The following HIP1 variants were observed in gnomAD, a reference collection of about 807,000 sequenced individuals.
HIP1 encodes the protein huntingtin interacting protein 1.
Under a neutral mutation model 147.6 loss-of-function variants are expected in HIP1, and 65 were observed. That is an observed-to-expected ratio of 0.44 (90% confidence interval 0.36 to 0.54). The LOEUF is 0.54. Among genes scored for constraint, HIP1 ranks in the 20% least tolerant of loss-of-function variants. The pLI, the probability that HIP1 is intolerant of heterozygous loss-of-function variation, is 0.00. For synonymous variants in HIP1, 479 were observed against 504.0 expected (o/e 0.95, Z 0.67); for missense variants, 1,061 against 1,299.6 (o/e 0.82, Z 2.82).
At chr7:75,561,225 A>G in intron 13 of HIP1, 104 bp downstream of exon 13, 1 of 891,332 alleles carries the variant, frequency 1.1e-6, no homozygotes, top group South Asian at 1.3e-5. Flanking sequence ...AAGTGCTAGG[A>G]TTACAGGTGT....
chr7:75,551,420 G>A (rs1794779837), intron 22 of HIP1, among the ~76,000 whole-genome samples: 1 of 151,584 alleles, frequency 6.6e-6, no homozygotes, highest in South Asian at 2.1e-4. Context: ...TCACTATATT[G>A]GCCAGGCTGG....
intron 1 of HIP1, among the ~76,000 whole-genome samples, chr7:75,693,166 A>T (rs79106994): frequency 7.0e-6 from 1 of 141,888 alleles, no homozygotes; most frequent in Admixed American, 6.9e-5. Context: ...CCCTGTCTCA[A>T]AAAAAAAAAA....
intron 1 of HIP1, chr7:75,639,022 C>A (rs1798545388): frequency 1.1e-6 from 1 of 949,320 alleles, no homozygotes; most frequent in Non-Finnish European, 1.3e-6. Flanking sequence ...GGGGAGGGGG[C>A]TCGGGGCAAA....
chr7:75,732,966 C>T (rs1052753064), intron 1 of HIP1, among the ~76,000 whole-genome samples: 7 of 152,164 alleles, frequency 4.6e-5, no homozygotes, highest in Non-Finnish European at 1.0e-4. Flanking sequence ...GACTCACGAG[C>T]CCCCCAGAGC....
At chr7:75,673,957 G>A (rs1799807979) in intron 1 of HIP1, among the ~76,000 whole-genome samples, 1 of 151,958 alleles carries the variant, frequency 6.6e-6, no homozygotes, top group Non-Finnish European at 1.5e-5. Context: ...CTGCACTCCA[G>A]CCCAGATGAC....
chr7:75,736,653 G>C (rs782352037), intron 1 of HIP1, among the ~76,000 whole-genome samples: 3 of 152,064 alleles, frequency 2.0e-5, no homozygotes, highest in Non-Finnish European at 4.4e-5. Context: ...CAAGACCAAT[G>C]GAAAACTTCC....
At chr7:75,709,539 T>C (rs1396677192) in intron 1 of HIP1, among the ~76,000 whole-genome samples, 1 of 152,242 alleles carries the variant, frequency 6.6e-6, no homozygotes, top group African/African-American at 2.4e-5. Context: ...ACCTTGCTAC[T>C]TTGCTGAATT....
At chr7:75,554,054 C>T (rs1022993114) in intron 21 of HIP1, 59 bp downstream of exon 21, 2 of 1,364,762 alleles carry the variant, frequency 1.5e-6, no homozygotes, top group Non-Finnish European at 2.1e-6. Context: ...CCAACAGAGA[C>T]TTTTAAAGGC....
At chr7:75,554,337 C>A in intron 20 of HIP1, 103 bp downstream of exon 20, 1 of 1,285,974 alleles carries the variant, frequency 7.8e-7, no homozygotes, top group Non-Finnish European at 1.1e-6. Flanking sequence ...GCCTACATGC[C>A]TTTCTTGATG....
rs587626460 is a variant in HIP1 at position 75,604,218 on chromosome 7, T to C, written c.121-4971A>G. On this transcript the variant is annotated intron_variant, in intron 1 of 30. Transcript: ENST00000336926. ...ATACTTCCGGAGCCCATCAAGGTTGTCTGCAGTCAGAAAGGACTTACAAGG... is the reference window on the plus strand; with the variant it reads ...ATACTTCCGGAGCCCATCAAGGTTGCCTGCAGTCAGAAAGGACTTACAAGG... Among the ~76,000 whole-genome samples, 11 of 152,294 alleles carry C rather than the reference T, an allele frequency of 7.2e-5. No homozygotes were observed. The South Asian group carries it at 2.3e-3, about 32-fold the overall frequency.
intron 24 of HIP1, 62 bp downstream of exon 24, chr7:75,547,693 T>C (rs1015880810): frequency 1.5e-6 from 2 of 1,377,568 alleles, no homozygotes; most frequent in East Asian, 2.3e-5. Context: ...ATGCAAAGTA[T>C]AGACCAATGT....
chr7:75,700,807 G>A lies in HIP1; in HGVS notation c.120+37994C>T, dbSNP rs797042142. On this transcript the variant is annotated intron_variant, in intron 1 of 30. Transcript: ENST00000336926. The stretch of plus-strand genomic sequence containing the variant: ...TGCAAACTCCGCCTCCCGGGTTCAC[G>A]CCATTCTCCTGCCTCAGCCTCTTGA... Among the ~76,000 whole-genome samples, 8 of 151,840 alleles carry A rather than the reference G, an allele frequency of 5.3e-5. 1 individual carries two copies. The highest frequency in any genetic ancestry group is 1.9e-4 in the African/African-American group (8 of 41,402).
intron 20 of HIP1, 84 bp downstream of exon 20, chr7:75,554,356 C>A: frequency 1.5e-6 from 2 of 1,317,218 alleles, no homozygotes; most frequent in South Asian, 2.4e-5. Flanking sequence ...TGCAGAGGGA[C>A]CTGTCACTAT....
At chr7:75,574,821 C>T (rs587689701) in intron 7 of HIP1, among the ~76,000 whole-genome samples, 1 of 152,182 alleles carries the variant, frequency 6.6e-6, no homozygotes, top group East Asian at 1.9e-4. Context: ...CCTACCATGG[C>T]GGACATGGAG....
Position 75,679,929 on chromosome 7 carries a change from C to T in HIP1, c.120+58872G>A, listed in dbSNP as rs1800009767. Among the ~76,000 whole-genome samples, 10 of 152,322 alleles carry T rather than the reference C, an allele frequency of 6.6e-5. No homozygotes were observed. In the South Asian group the frequency reaches 2.1e-3, roughly 32 times the overall value. ...CCTCTGCAGATCTGACAACAGCATCCTTCTTTCGGCTGCAGACAAAGCCAG... is the reference window on the plus strand; with the variant it reads ...CCTCTGCAGATCTGACAACAGCATCTTTCTTTCGGCTGCAGACAAAGCCAG... On this transcript the variant is annotated intron_variant, in intron 1 of 30. Coordinates refer to ENST00000336926, the MANE Select transcript of HIP1 (RefSeq NM_005338.7).
At chr7:75,725,996 TGTTTGTTC>T (rs1469517635) in intron 1 of HIP1, among the ~76,000 whole-genome samples, 4 of 152,034 alleles carry the variant, frequency 2.6e-5, no homozygotes, top group South Asian at 2.1e-4. Flanking sequence ...TTTGTTTGTT[TGTTTGTTC>T]GTTTGTTTGT....
chr7:75,583,283 G>C (rs1584831654), intron 5 of HIP1, among the ~76,000 whole-genome samples: 1 of 152,066 alleles, frequency 6.6e-6, no homozygotes, highest in African/African-American at 2.4e-5. Context: ...GACCTGCTGA[G>C]AGCCTGGGTC....
At chr7:75,716,058 G>GCC (rs1790707398) in intron 1 of HIP1, among the ~76,000 whole-genome samples, 1 of 151,908 alleles carries the variant, frequency 6.6e-6, no homozygotes, top group Non-Finnish European at 1.5e-5. Context: ...TGAGGGATCC[G>GCC]CCCCCGTGAC....
chr7:75,728,930 G>C (rs1443564942), intron 1 of HIP1, among the ~76,000 whole-genome samples: 1 of 150,630 alleles, frequency 6.6e-6, no homozygotes, highest in Non-Finnish European at 1.5e-5. Context: ...CAGTGAAGGG[G>C]GAGTATGGTG....
Sources: allele counts gnomAD v4.1 joint callset (sites outside exome capture counted in the v4.1 genomes callset), GRCh38; gene constraint gnomAD v4.1.1; transcripts MANE v1.5; gene names NCBI Gene and HGNC (gene_info 2026-07-23, HGNC 2026-07-21).